FRMD4A: variants seen among roughly 807,000 people sequenced by gnomAD.
FRMD4A encodes the protein FERM domain containing 4A.
Under a neutral mutation model 129.1 loss-of-function variants are expected in FRMD4A, and 29 were observed. The observed-to-expected ratio is 0.22, with a 90% confidence interval of 0.17 to 0.31. FRMD4A has a LOEUF of 0.31. Among genes scored for constraint, FRMD4A ranks in the 10% least tolerant of loss-of-function variants. FRMD4A has a pLI of 1.00. For missense variants in FRMD4A, 1,272 were observed against 1,375.8 expected (o/e 0.92, Z 1.19); for synonymous variants, 634 against 571.6 (o/e 1.11, Z -1.56).
intron 2 of FRMD4A, among the ~76,000 whole-genome samples, chr10:14,034,680 G>C (rs1046217483): frequency 2.0e-5 from 3 of 152,168 alleles, no homozygotes; most frequent in African/African-American, 7.2e-5. Flanking sequence ...TCCTTGTTCA[G>C]CTTACAAGTC....
chr10:13,802,615 G>T (rs752936660), intron 4 of FRMD4A, among the ~76,000 whole-genome samples: 12 of 150,694 alleles, frequency 8.0e-5, no homozygotes, highest in Non-Finnish European at 1.5e-4. Flanking sequence ...TTGCACTTGG[G>T]TAATTAAAAA....
chr10:14,098,661 A>T (rs988269987), intron 2 of FRMD4A, among the ~76,000 whole-genome samples: 3 of 150,868 alleles, frequency 2.0e-5, no homozygotes, highest in African/African-American at 4.9e-5. Context: ...GCCCGCCTCG[A>T]CCTCCCAAAG....
intron 2 of FRMD4A, among the ~76,000 whole-genome samples, chr10:14,101,155 G>A (rs977562658): frequency 1.3e-4 from 20 of 152,122 alleles, no homozygotes; most frequent in African/African-American, 4.8e-4. Flanking sequence ...AAAAACACTT[G>A]ACTTATAACA....
At chr10:13,794,718 TTC>T (rs1226517422) in intron 5 of FRMD4A, among the ~76,000 whole-genome samples, 1 of 152,218 alleles carries the variant, frequency 6.6e-6, no homozygotes, top group African/African-American at 2.4e-5. Context: ...TTGGAAATTC[TTC>T]TCTCTAAGGA....
At chr10:13,952,249 G>A (rs183059449) in intron 2 of FRMD4A, among the ~76,000 whole-genome samples, 10 of 152,032 alleles carry the variant, frequency 6.6e-5, no homozygotes, top group African/African-American at 2.4e-4. Context: ...TGTAATCTCA[G>A]CACTTGGGGA....
chr10:13,940,358 T>G (rs1171938504), intron 2 of FRMD4A, among the ~76,000 whole-genome samples: 3 of 152,110 alleles, frequency 2.0e-5, no homozygotes, highest in Non-Finnish European at 4.4e-5. Flanking sequence ...TGTCAACTGT[T>G]GCAGTGTAAG....
intron 2 of FRMD4A, among the ~76,000 whole-genome samples, chr10:14,177,669 GT>G (rs1269255987): frequency 6.6e-6 from 1 of 152,164 alleles, no homozygotes; most frequent in Non-Finnish European, 1.5e-5. Context: ...CTGATTGCAT[GT>G]TTAAGGCCGG....
intron 2 of FRMD4A, among the ~76,000 whole-genome samples, chr10:13,986,079 C>A (rs2095580097): frequency 6.6e-6 from 1 of 152,182 alleles, no homozygotes; most frequent in Non-Finnish European, 1.5e-5. Context: ...GGCTCCCTTC[C>A]ACAGGCGTAG....
intron 2 of FRMD4A, among the ~76,000 whole-genome samples, chr10:13,984,168 A>C (rs1483269172): frequency 6.6e-6 from 1 of 152,056 alleles, no homozygotes; most frequent in African/African-American, 2.4e-5. Context: ...CTTCAGCAAA[A>C]CCCAGGACAG....
At chr10:14,287,403 T>C (rs1845716290) in intron 2 of FRMD4A, among the ~76,000 whole-genome samples, 1 of 152,210 alleles carries the variant, frequency 6.6e-6, no homozygotes, top group Non-Finnish European at 1.5e-5. Flanking sequence ...AGTTAGTAGT[T>C]ACAGAATGCA....
intron 2 of FRMD4A, among the ~76,000 whole-genome samples, chr10:14,315,770 C>T (rs1429029157): frequency 6.6e-6 from 1 of 152,156 alleles, no homozygotes; most frequent in Admixed American, 6.5e-5. Flanking sequence ...TAAATTCTGC[C>T]TTAAACTATT....
chr10:13,933,776 C>T (rs181926766), intron 2 of FRMD4A, among the ~76,000 whole-genome samples: 1 of 152,278 alleles, frequency 6.6e-6, no homozygotes, highest in African/African-American at 2.4e-5. Flanking sequence ...CTAGAGGCCC[C>T]TGGGACACAG....
At chr10:13,752,971 C>T (rs1026174564) in intron 8 of FRMD4A, among the ~76,000 whole-genome samples, 6 of 152,124 alleles carry the variant, frequency 3.9e-5, no homozygotes, top group Middle Eastern at 3.2e-3. Flanking sequence ...CCCAGGGTGT[C>T]GTACAAGCCC....
chr10:13,796,616 G>A lies in FRMD4A; in HGVS notation c.207-28C>T, dbSNP rs199674234. On this transcript the variant is annotated intron_variant, in intron 4 of 24. Transcript: ENST00000357447. ...GAAGAAAATAGAGACAAATTGGTTA[G>A]GGGTTTGCATTTTGCAGAAGTTTTT... 31 of 1,265,574 alleles carry A rather than the reference G, an allele frequency of 2.4e-5. No individual in the cohort carries two copies. In the East Asian group the frequency reaches 6.7e-4, roughly 27 times the overall value. The allele number at this position is 1,265,574 out of a possible 1,614,324, so 78.4% of individuals were successfully genotyped here.
At chr10:13,891,746 C>G (rs952471799) in intron 2 of FRMD4A, 2 of 983,618 alleles carry the variant, frequency 2.0e-6, no homozygotes, top group African/African-American at 3.5e-5. Context: ...CCTTGGCGCC[C>G]GCAGCTGGCG....
intron 2 of FRMD4A, among the ~76,000 whole-genome samples, chr10:14,002,513 G>A (rs1424696423): frequency 1.3e-5 from 2 of 151,906 alleles, no homozygotes; most frequent in African/African-American, 2.4e-5. Flanking sequence ...TCCTCTTCTC[G>A]AATTTGCTCA....
chr10:13,922,855 T>C (rs2095089080), intron 2 of FRMD4A, among the ~76,000 whole-genome samples: 1 of 152,244 alleles, frequency 6.6e-6, no homozygotes, highest in South Asian at 2.1e-4. Flanking sequence ...TGTCTGTCTA[T>C]TTATGACTTC....
At chr10:14,272,041 G>GA (rs1368759680) in intron 2 of FRMD4A, among the ~76,000 whole-genome samples, 6 of 151,508 alleles carry the variant, frequency 4.0e-5, no homozygotes, top group East Asian at 1.9e-4. Context: ...AAGAAAATCA[G>GA]AAAAAAAACC....
intron 2 of FRMD4A, chr10:14,326,943 C>T (rs1471291057): frequency 5.0e-6 from 2 of 398,608 alleles, no homozygotes; most frequent in East Asian, 3.6e-5. Flanking sequence ...TGTGTCTTCT[C>T]TCCAAGTCCC....
Sources: gnomAD v4.1 joint callset for allele counts (sites outside exome capture counted in the v4.1 genomes callset) on GRCh38, gnomAD v4.1.1 for gene constraint, MANE v1.5 for transcripts, NCBI Gene and HGNC (gene_info 2026-07-23, HGNC 2026-07-21) for gene names.